The following PPEF1 variants were observed in gnomAD, a reference collection of about 807,000 sequenced individuals.
The protein encoded by PPEF1 is protein phosphatase with EF-hand domain 1, also known as serine/threonine-protein phosphatase with EF-hands 1.
In PPEF1, 12 loss-of-function variants were observed where a neutral mutation model predicts 53.3. The ratio of observed to expected loss-of-function variants is 0.23; its 90% CI spans 0.14 to 0.36. The LOEUF (loss-of-function observed/expected upper bound fraction) is 0.36. PPEF1 is among the 10% of genes least tolerant of loss of function. The pLI, the probability that PPEF1 is intolerant of heterozygous loss-of-function variation, is 1.00. For synonymous variants in PPEF1, 165 were observed against 176.7 expected, an observed-to-expected ratio of 0.93 and a Z score of 0.52; for missense variants, 334 against 490.4, an observed-to-expected ratio of 0.68 and a Z score of 3.01.
intron 6 of PPEF1, 24 bp downstream of exon 6, chrX:18,761,600 T>C (rs2045668178): frequency 8.7e-7 from 1 of 1,155,141 alleles, no homozygotes; most frequent in Non-Finnish European, 1.2e-6. Flanking sequence ...TTGCTAAATA[T>C]TAACATTTTT....
intron 4 of PPEF1, among the ~76,000 whole-genome samples, chrX:18,693,118 C>T (rs1929501527): frequency 8.9e-6 from 1 of 112,017 alleles, no homozygotes; most frequent in South Asian, 3.7e-4. Context: ...GGATAGCAGC[C>T]GAAGATGGAG....
chrX:18,748,194 A>C (rs1569255322), intron 3 of PPEF1, among the ~76,000 whole-genome samples: 1 of 112,297 alleles, frequency 8.9e-6, no homozygotes, highest in Non-Finnish European at 1.9e-5. Flanking sequence ...AGACATTATT[A>C]CTCCTAAATT....
chrX:18,735,048 A>G (rs1209526042), intron 3 of PPEF1, among the ~76,000 whole-genome samples: 2 of 111,723 alleles, frequency 1.8e-5, no homozygotes, highest in African/African-American at 6.5e-5. Flanking sequence ...AGATGGGTAG[A>G]TTGTAAAAAT....
intron 3 of PPEF1, among the ~76,000 whole-genome samples, chrX:18,742,428 T>C (rs971812282): frequency 8.9e-5 from 10 of 112,208 alleles, no homozygotes; most frequent in Non-Finnish European, 1.7e-4. Context: ...GGGTCAGGCA[T>C]TTGAACAGGG....
At chrX:18,713,015 A>G (rs2044362478) in intron 1 of PPEF1, among the ~76,000 whole-genome samples, 1 of 111,784 alleles carries the variant, frequency 8.9e-6, no homozygotes, top group African/African-American at 3.2e-5. Flanking sequence ...ATGCTGCTGA[A>G]TTCAGTTTGC....
At chrX:18,727,622 C>T (rs1234517676) in intron 1 of PPEF1, among the ~76,000 whole-genome samples, 1 of 110,351 alleles carries the variant, frequency 9.1e-6, no homozygotes, top group Non-Finnish European at 1.9e-5. Context: ...ATTATCTACC[C>T]AGAGATAGTG....
At chrX:18,762,617 T>G (rs931796626) in intron 6 of PPEF1, among the ~76,000 whole-genome samples, 1 of 112,145 alleles carries the variant, frequency 8.9e-6, no homozygotes, top group Non-Finnish European at 1.9e-5. Context: ...GGTTATTTCT[T>G]GATGATATGC....
intron 3 of PPEF1, among the ~76,000 whole-genome samples, chrX:18,739,648 A>G (rs960878366): frequency 2.7e-5 from 3 of 111,212 alleles, no homozygotes; most frequent in Non-Finnish European, 5.7e-5. Context: ...GAGAACCACT[A>G]CTCTCTTCAA....
upstream of PPEF1, among the ~76,000 whole-genome samples, chrX:18,678,105 T>A (rs1323485617): frequency 1.3e-5 from 1 of 75,523 alleles, no homozygotes; most frequent in African/African-American, 5.7e-5. Flanking sequence ...CACTCCAGCC[T>A]GGGTGACAGA....
intron 3 of PPEF1, among the ~76,000 whole-genome samples, chrX:18,734,874 G>A (rs1249509711): frequency 3.6e-5 from 4 of 111,980 alleles, no homozygotes. Context: ...TTCTCTGATG[G>A]CCAGTGACGA....
At chrX:18,739,833 G>A (rs926404147) in intron 3 of PPEF1, among the ~76,000 whole-genome samples, 1 of 112,462 alleles carries the variant, frequency 8.9e-6, no homozygotes, top group East Asian at 2.8e-4. Context: ...CCTCAGCAAT[G>A]GTGGATGCCC....
At chrX:18,683,889 G>A (rs1348972137) in intron 1 of PPEF1, among the ~76,000 whole-genome samples, 1 of 112,095 alleles carries the variant, frequency 8.9e-6, no homozygotes, top group African/African-American at 3.2e-5. Context: ...AGGTGCCTGG[G>A]TCCCAGCCCC....
intron 12 of PPEF1, among the ~76,000 whole-genome samples, chrX:18,807,787 G>A (rs1489867286): frequency 9.1e-6 from 1 of 109,992 alleles, no homozygotes; most frequent in Non-Finnish European, 1.9e-5. Flanking sequence ...AGCCTCCCGA[G>A]TAGCTGGGAC....
At chrX:18,704,310 A>C (rs1019935736), upstream of PPEF1, among the ~76,000 whole-genome samples, 10 of 111,829 alleles carry the variant, frequency 8.9e-5, no homozygotes, top group East Asian at 2.5e-3. Context: ...ATACTGTTGG[A>C]AAATAGTGTT....
chrX:18,818,532 A>G (rs767207796), intron 13 of PPEF1, among the ~76,000 whole-genome samples: 42 of 110,157 alleles, frequency 3.8e-4, no homozygotes, highest in African/African-American at 1.4e-3. Flanking sequence ...CACCACGCCC[A>G]GCTAATTTTT....
At chrX:18,758,389 A>G (rs2045591541) in intron 5 of PPEF1, among the ~76,000 whole-genome samples, 1 of 112,191 alleles carries the variant, frequency 8.9e-6, no homozygotes, top group South Asian at 3.7e-4. Context: ...CTTAACTTCT[A>G]ATTAAGCCTT....
upstream of PPEF1, among the ~76,000 whole-genome samples, chrX:18,706,511 G>A (rs1028130743): frequency 6.3e-5 from 7 of 110,771 alleles, no homozygotes; most frequent in Non-Finnish European, 1.3e-4. Context: ...TTGGGAGGCC[G>A]AGGCAGGTGG....
Position 18,745,362 on chromosome X carries a change from C to T in PPEF1, c.236-4430C>T, listed in dbSNP as rs562884099. Among the ~76,000 whole-genome samples the T allele has an allele frequency of 5.9e-4, 62 of 105,599 alleles. No individual in the cohort carries two copies. The South Asian group carries it at 0.024, about 40-fold the overall frequency. The allele number at this position is 105,599 out of a possible 115,157, so 91.7% of individuals were successfully genotyped here. On this transcript the variant is annotated intron_variant, in intron 3 of 15. Transcript: ENST00000470157. ...CCGAGTAGCTGGGACTAGAGGCACGCACCACCATGCCCAGCTAATTTTTTT... is the reference window on the plus strand; with the variant it reads ...CCGAGTAGCTGGGACTAGAGGCACGTACCACCATGCCCAGCTAATTTTTTT...
chrX:18,680,447 G>C (rs867214119), upstream of PPEF1, among the ~76,000 whole-genome samples: 1 of 12,807 alleles, frequency 7.8e-5, no homozygotes, highest in Non-Finnish European at 1.4e-4. Flanking sequence ...TTTTTTTTTT[G>C]ATACGGCATC....
Sources: allele counts gnomAD v4.1 joint callset (sites outside exome capture counted in the v4.1 genomes callset), GRCh38; gene constraint gnomAD v4.1.1; transcripts MANE v1.5; gene names NCBI Gene and HGNC (gene_info 2026-07-23, HGNC 2026-07-21).